HECW2: variants seen among roughly 807,000 people sequenced by gnomAD.
The protein encoded by HECW2 is E3 ubiquitin-protein ligase HECW2.
In HECW2, 61 loss-of-function variants were observed where a neutral mutation model predicts 175.2. The ratio of observed to expected loss-of-function variants is 0.35; its 90% CI spans 0.28 to 0.43. The LOEUF (loss-of-function observed/expected upper bound fraction) is 0.43, where lower values mean the gene tolerates loss of function less well. Among genes scored for constraint, HECW2 ranks in the 20% least tolerant of loss-of-function variants. The pLI is 1.00. For missense variants in HECW2, 1,524 were observed against 2,000.5 expected, an observed-to-expected ratio of 0.76 and a Z score of 4.54; for synonymous variants, 671 against 731.0, an observed-to-expected ratio of 0.92 and a Z score of 1.32.
At chr2:196,304,196 C>T (rs372712017) in intron 13 of HECW2, among the ~76,000 whole-genome samples, 1 of 152,168 alleles carries the variant, frequency 6.6e-6, no homozygotes, top group African/African-American at 2.4e-5. Flanking sequence ...AAACTCATTC[C>T]TACCCCTGAG....
intron 2 of HECW2, among the ~76,000 whole-genome samples, chr2:196,370,199 T>C (rs1693868109): frequency 6.6e-6 from 1 of 151,956 alleles, no homozygotes; most frequent in South Asian, 2.1e-4. Context: ...ATACTGCTGC[T>C]GATTATTTAG....
chr2:196,452,313 G>A (rs899715274), intron 1 of HECW2, among the ~76,000 whole-genome samples: 1 of 152,152 alleles, frequency 6.6e-6, no homozygotes, highest in African/African-American at 2.4e-5. Context: ...GATATACTGA[G>A]TTAAATAATA....
chr2:196,361,817 A>C lies in HECW2; in HGVS notation c.293-18053T>G, dbSNP rs1693596937. On this transcript the variant is annotated intron_variant, in intron 2 of 28. Transcript: ENST00000644978. ...AGCACTTTCCAATATCTTACCTCAT[A>C]TAATCCCAAAGGTTTTAAAATCCAT... 3.0e-6 allele frequency: 3 copies of C among 985,330 alleles called. No individual in the cohort carries two copies. In the South Asian group the frequency reaches 1.4e-4, roughly 46 times the overall value. 61.0% of individuals were successfully genotyped at this position (985,330 alleles called of 1,614,324 possible).
intron 1 of HECW2, among the ~76,000 whole-genome samples, chr2:196,556,374 T>C (rs80062995): frequency 0.14 from 20,972 of 152,256 alleles, 1,529 homozygotes; most frequent in Middle Eastern, 0.25. Context: ...ATAGTCATCA[T>C]GCTGTACAGT....
chr2:196,328,955 T>A (rs987812084), intron 5 of HECW2, among the ~76,000 whole-genome samples: 2 of 152,172 alleles, frequency 1.3e-5, no homozygotes, highest in Non-Finnish European at 2.9e-5. Flanking sequence ...TATAAATTGA[T>A]GCTTTACCCA....
intron 24 of HECW2, among the ~76,000 whole-genome samples, chr2:196,221,886 A>C (rs1040935275): frequency 1.3e-5 from 2 of 152,210 alleles, no homozygotes; most frequent in African/African-American, 4.8e-5. Context: ...CAATTAAAAA[A>C]TTCTGTAGTG....
intron 10 of HECW2, 27 bp downstream of exon 10, chr2:196,317,246 TG>T (rs1294527722): frequency 2.0e-6 from 3 of 1,520,702 alleles, no homozygotes; most frequent in Non-Finnish European, 1.8e-6. Context: ...TTGATTAAGG[TG>T]GGCCCTTTTA....
intron 14 of HECW2, chr2:196,288,916 G>A (rs540197664): frequency 1.3e-5 from 2 of 152,234 alleles, no homozygotes; most frequent in African/African-American, 2.4e-5. Flanking sequence ...CACCACTTAC[G>A]AATTGTGGGA....
chr2:196,301,539 G>C (rs1432690464), intron 13 of HECW2, among the ~76,000 whole-genome samples: 1 of 152,018 alleles, frequency 6.6e-6, no homozygotes. Flanking sequence ...GCCAGCATCT[G>C]TTGTGTTCTT....
At chr2:196,469,594 TG>T (rs1439748436) in intron 1 of HECW2, among the ~76,000 whole-genome samples, 3 of 152,116 alleles carry the variant, frequency 2.0e-5, no homozygotes, top group African/African-American at 7.2e-5. Flanking sequence ...GTATGTTTTA[TG>T]ATCTTGAGAT....
chr2:196,523,113 T>G (rs897786601), intron 1 of HECW2, among the ~76,000 whole-genome samples: 1 of 152,124 alleles, frequency 6.6e-6, no homozygotes, highest in Non-Finnish European at 1.5e-5. Flanking sequence ...CCCATGAGCA[T>G]GGAATGTTCT....
chr2:196,570,446 C>A (rs748623377), intron 1 of HECW2, among the ~76,000 whole-genome samples: 2 of 152,100 alleles, frequency 1.3e-5, no homozygotes, highest in African/African-American at 2.4e-5. Flanking sequence ...TCAACTATCA[C>A]AAGGACAGAA....
intron 2 of HECW2, among the ~76,000 whole-genome samples, chr2:196,362,987 T>C (rs1693641322): frequency 6.6e-6 from 1 of 152,178 alleles, no homozygotes; most frequent in Non-Finnish European, 1.5e-5. Context: ...CTACATTTGA[T>C]GGCTGCAATT....
In HECW2 at chr2:196,319,331, G is replaced by A. The variant is rs778461855; in HGVS notation, c.1559C>T (p.Thr520Ile). ...ATCCTCAAAGGAAGCAGCTTCGTGTGTGGAGGCTTCCTCATTCTCAACAGG... is the reference window on the plus strand; with the variant it reads ...ATCCTCAAAGGAAGCAGCTTCGTGTATGGAGGCTTCCTCATTCTCAACAGG... Reference protein sequence around the residue: ...DNPVENEEASTHEAASFEDKP... With the variant: ...DNPVENEEASIHEAASFEDKP... Residue 520 changes from threonine (T) to isoleucine (I), a missense_variant, in exon 9 of 29, where the codon ACA (threonine) becomes ATA (isoleucine). Physicochemically the swap from Thr to Ile is moderately conservative, Grantham distance 89 (BLOSUM62 -1). Coordinates refer to ENST00000644978, the MANE Select transcript of HECW2 (RefSeq NM_001348768.2). 9.9e-6 allele frequency: 16 copies of A among 1,614,136 alleles called. No individual in the cohort carries two copies. Among genetic ancestry groups the A allele is most frequent in the African/African-American group, 1.3e-5 (1 of 75,056 alleles).
At chr2:196,407,433 C>G (rs1350416110) in intron 2 of HECW2, among the ~76,000 whole-genome samples, 2 of 152,164 alleles carry the variant, frequency 1.3e-5, no homozygotes, top group Non-Finnish European at 2.9e-5. Flanking sequence ...AACTCCTGAA[C>G]TTACACGATC....
At chr2:196,278,107 C>G (rs781212196) in intron 15 of HECW2, among the ~76,000 whole-genome samples, 2 of 66,814 alleles carry the variant, frequency 3.0e-5, no homozygotes, top group Non-Finnish European at 7.1e-5. Flanking sequence ...TGCACGTGTA[C>G]CCTAGAACTT....
At chr2:196,224,244 C>T (rs11888276) in intron 23 of HECW2, among the ~76,000 whole-genome samples, 5 of 151,998 alleles carry the variant, frequency 3.3e-5, no homozygotes, top group East Asian at 3.9e-4. Context: ...TATACTTTTA[C>T]GTAGGGAAAC....
intron 13 of HECW2, among the ~76,000 whole-genome samples, chr2:196,303,398 G>C (rs1691140088): frequency 6.6e-6 from 1 of 152,150 alleles, no homozygotes; most frequent in Non-Finnish European, 1.5e-5. Flanking sequence ...CCAAGTTTTG[G>C]TATCAAGATG....
At chr2:196,578,912 G>A (rs1039572473) in intron 1 of HECW2, among the ~76,000 whole-genome samples, 7 of 150,802 alleles carry the variant, frequency 4.6e-5, no homozygotes, top group African/African-American at 1.7e-4. Flanking sequence ...CACAGAAATA[G>A]AGTATTGGTA....
Sources: allele counts gnomAD v4.1 joint callset (sites outside exome capture counted in the v4.1 genomes callset), GRCh38; gene constraint gnomAD v4.1.1; transcripts MANE v1.5; gene names NCBI Gene and HGNC (gene_info 2026-07-23, HGNC 2026-07-21).